PCDHGB3: variants seen among roughly 807,000 people sequenced by gnomAD.
PCDHGB3 encodes the protein protocadherin gamma-B3.
In PCDHGB3, 40 loss-of-function variants were observed where a neutral mutation model predicts 59.2. The ratio of observed to expected loss-of-function variants is 0.68; its 90% CI spans 0.52 to 0.88. The LOEUF is 0.88. PCDHGB3 is among the 40% of genes least tolerant of loss of function. PCDHGB3 has a pLI of 0.00. For synonymous variants in PCDHGB3, 581 were observed against 503.6 expected (o/e 1.15, Z -2.06); for missense variants, 1,309 against 1,187.9 (o/e 1.10, Z -1.50).
chr5:141,404,490 T>G lies in PCDHGB3; in HGVS notation c.2415+31681T>G, dbSNP rs748668164. On this transcript the variant is annotated intron_variant, in intron 1 of 3. Transcript: ENST00000576222. Reference sequence around the variant, plus strand: ...GTCTCTATTAACTCAGACACTGGTGTGCTGTATGCTCTGTGCTCCTTTGAC... The same window carrying G: ...GTCTCTATTAACTCAGACACTGGTGGGCTGTATGCTCTGTGCTCCTTTGAC... 10 of 1,613,632 alleles carry G rather than the reference T, an allele frequency of 6.2e-6. No homozygotes were observed. The Admixed American group carries it at 1.2e-4, about 19-fold the overall frequency.
intron 1 of PCDHGB3, among the ~76,000 whole-genome samples, chr5:141,467,665 G>T (rs1205474808): frequency 4.6e-5 from 7 of 152,040 alleles, no homozygotes; most frequent in Non-Finnish European, 1.0e-4. Flanking sequence ...AGTGCCAGAA[G>T]ATTTTTATTT....
intron 1 of PCDHGB3, chr5:141,382,673 A>G: frequency 2.3e-6 from 1 of 437,012 alleles, no homozygotes; most frequent in Non-Finnish European, 4.0e-6. Context: ...GCCGCTGTTC[A>G]CCAACCAGGG....
chr5:141,418,080 A>T (rs1590086455), intron 1 of PCDHGB3: 1 of 1,614,046 alleles, frequency 6.2e-7, no homozygotes, highest in East Asian at 2.2e-5. Flanking sequence ...GAGAAGCTGC[A>T]CTTCAGCGTA....
At chr5:141,500,223 T>TTG (rs1227708024) in intron 2 of PCDHGB3, among the ~76,000 whole-genome samples, 1 of 145,320 alleles carries the variant, frequency 6.9e-6, no homozygotes, top group Non-Finnish European at 1.5e-5. Flanking sequence ...TTTATTTATT[T>TTG]ATTGATACGT....
At chr5:141,473,439 A>G (rs2099322281) in intron 1 of PCDHGB3, among the ~76,000 whole-genome samples, 1 of 152,210 alleles carries the variant, frequency 6.6e-6, no homozygotes, top group African/African-American at 2.4e-5. Flanking sequence ...TTGCTTATGC[A>G]AAAATAATTA....
intron 1 of PCDHGB3, chr5:141,430,745 T>C (rs377018529): frequency 1.3e-4 from 191 of 1,499,634 alleles, no homozygotes; most frequent in Non-Finnish European, 1.7e-4. Context: ...AAAATAATTC[T>C]GGAGGAAGAT....
chr5:141,496,152 C>T (rs771462960), intron 2 of PCDHGB3, among the ~76,000 whole-genome samples: 2 of 152,080 alleles, frequency 1.3e-5, no homozygotes, highest in Non-Finnish European at 1.5e-5. Flanking sequence ...GATCGCAGCT[C>T]TCCACCAGAC....
rs200646513 is a variant in PCDHGB3, at chr5:141,421,389, G to A, written c.2415+48580G>A. ...TGGGCAATATCTCCAAGGACCTGGG[G>A]CTGGAGCCCCGGGAGCTGGCGAAGC... On this transcript the variant is annotated intron_variant, in intron 1 of 3. Coordinates refer to ENST00000576222, the MANE Select transcript of PCDHGB3 (RefSeq NM_018924.5). The A allele has an allele frequency of 1.7e-3, 2,771 of 1,614,052 alleles. 5 individuals carry two copies. The highest frequency in any genetic ancestry group is 2.2e-3 in the Non-Finnish European group (2,560 of 1,179,918).
chr5:141,393,947 G>C, intron 1 of PCDHGB3: 1 of 1,613,972 alleles, frequency 6.2e-7, no homozygotes, highest in South Asian at 1.1e-5. Context: ...ACTCTGGAAA[G>C]AATGGTCAAG....
At chr5:141,380,084 G>C (rs1452303755) in intron 1 of PCDHGB3, among the ~76,000 whole-genome samples, 1 of 151,830 alleles carries the variant, frequency 6.6e-6, no homozygotes, top group Non-Finnish European at 1.5e-5. Flanking sequence ...ACTTTTAGTA[G>C]AGATGGGGTT....
At chr5:141,447,280 C>T (rs2098533193) in intron 1 of PCDHGB3, among the ~76,000 whole-genome samples, 1 of 152,172 alleles carries the variant, frequency 6.6e-6, no homozygotes, top group Non-Finnish European at 1.5e-5. Context: ...GCTGGGACTA[C>T]AGGCACATGC....
rs777670481 is a variant in PCDHGB3, at chr5:141,385,026, C to T, written c.2415+12217C>T. 2.5e-6 allele frequency: 4 copies of T among 1,614,190 alleles called. No homozygotes were observed. The East Asian group carries it at 6.7e-5, about 27-fold the overall frequency. On this transcript the variant is annotated intron_variant, in intron 1 of 3. Coordinates refer to ENST00000576222, the MANE Select transcript of PCDHGB3 (RefSeq NM_018924.5). Reference sequence around the variant, plus strand: ...CCTGCGTCTTCCTAGCCTTCGTCCTCGTACTGCTGGCGCTCAGGCTGCGGC... The same window carrying T: ...CCTGCGTCTTCCTAGCCTTCGTCCTTGTACTGCTGGCGCTCAGGCTGCGGC...
At chr5:141,443,977 AT>A (rs1443967001) in intron 1 of PCDHGB3, among the ~76,000 whole-genome samples, 1 of 152,020 alleles carries the variant, frequency 6.6e-6, no homozygotes, top group African/African-American at 2.4e-5. Context: ...CATCTAAGCT[AT>A]GTTAATTTTA....
At chr5:141,400,077 C>T in intron 1 of PCDHGB3, 4 of 1,614,040 alleles carry the variant, frequency 2.5e-6, no homozygotes, top group South Asian at 1.1e-5. Context: ...AGCCGCCACT[C>T]TCCGCCACCG....
At chr5:141,410,260 T>C in intron 1 of PCDHGB3, 1 of 1,614,054 alleles carries the variant, frequency 6.2e-7, no homozygotes, top group Non-Finnish European at 8.5e-7. Context: ...ACCCCCAGGC[T>C]GAACTGCAGT....
rs753538822 is a variant in PCDHGB3, at chr5:141,476,676, G to C, written c.2416-18131G>C. 6 of 1,614,222 alleles carry C rather than the reference G, an allele frequency of 3.7e-6. No individual in the cohort carries two copies. Among genetic ancestry groups the C allele is most frequent in the Non-Finnish European group, 4.2e-6 (5 of 1,180,054 alleles). ...TACTTTGCGCTTCGCGTGCAGACGCGGGAGGACAGCACCAAGTACGCGGAG... is the reference window on the plus strand; with the variant it reads ...TACTTTGCGCTTCGCGTGCAGACGCCGGAGGACAGCACCAAGTACGCGGAG... On this transcript the variant is annotated intron_variant, in intron 1 of 3. Transcript: ENST00000576222. The surrounding 1 kb of genome is among the most constrained non-coding windows in gnomAD (Gnocchi z 7.6).
At chr5:141,503,363 G>A (rs2099819478) in intron 2 of PCDHGB3, among the ~76,000 whole-genome samples, 2 of 152,132 alleles carry the variant, frequency 1.3e-5, no homozygotes, top group East Asian at 1.9e-4. Context: ...TTGGGAAGCG[G>A]AGGCAGGTGG....
At chr5:141,393,303 G>C in intron 1 of PCDHGB3, 1 of 1,613,764 alleles carries the variant, frequency 6.2e-7, no homozygotes, top group Non-Finnish European at 8.5e-7. Context: ...GGATGTGGGC[G>C]TGAACTCCCT....
chr5:141,475,740 A>G (rs942793010), intron 1 of PCDHGB3, among the ~76,000 whole-genome samples: 4 of 152,280 alleles, frequency 2.6e-5, no homozygotes, highest in Non-Finnish European at 5.9e-5. Flanking sequence ...TCCCTAAGGT[A>G]GGTTTCCTAT....
Sources: gnomAD v4.1 joint callset for allele counts (sites outside exome capture counted in the v4.1 genomes callset) on GRCh38, gnomAD v4.1.1 for gene constraint, Gnocchi (gnomAD v3.1) non-coding constraint, MANE v1.5 for transcripts, NCBI Gene and HGNC (gene_info 2026-07-23, HGNC 2026-07-21) for gene names.